The following GALNT13 variants were observed in gnomAD, a reference collection of about 807,000 sequenced individuals.
The protein encoded by GALNT13 is polypeptide N-acetylgalactosaminyltransferase 13, also known as UDP-GalNAc:polypeptide N-acetylgalactosaminyltransferase 13.
A neutral mutation model predicts 64.2 loss-of-function variants in GALNT13; 28 were observed. The observed-to-expected ratio is 0.44, with a 90% CI of 0.32 to 0.60. The LOEUF (loss-of-function observed/expected upper bound fraction) is 0.60. Ranked by LOEUF, GALNT13 falls within the 20% of genes least tolerant of loss-of-function variation. The pLI is 0.05. For synonymous variants in GALNT13, 214 were observed against 224.6 expected (o/e 0.95, Z 0.42); for missense variants, 577 against 669.8 (o/e 0.86, Z 1.53).
chr2:153,323,661 T>C, the GALNT13 span, among the ~76,000 whole-genome samples: 1 of 152,200 alleles, frequency 6.6e-6, no homozygotes, highest in South Asian at 2.1e-4. Flanking sequence ...GAGTTAATTA[T>C]TGTATAAGGT....
At chr2:154,203,443 TTCTC>T (rs1687277100) in intron 4 of GALNT13, among the ~76,000 whole-genome samples, 1 of 152,170 alleles carries the variant, frequency 6.6e-6, no homozygotes, top group South Asian at 2.1e-4. Context: ...ATGTCACATT[TTCTC>T]TCTCTCCATA....
chr2:153,337,659 A>C, the GALNT13 span: 2 of 152,254 alleles, frequency 1.3e-5, no homozygotes, highest in Admixed American at 6.5e-5. Context: ...CAATTGATGC[A>C]GTCTATAATT....
At chr2:153,233,889 T>C in the GALNT13 span, among the ~76,000 whole-genome samples, 5 of 152,160 alleles carry the variant, frequency 3.3e-5, no homozygotes, top group Non-Finnish European at 1.5e-5. Flanking sequence ...AACTGCCACA[T>C]TATATTAATT....
chr2:153,153,715 G>A, the GALNT13 span, among the ~76,000 whole-genome samples: 3 of 139,646 alleles, frequency 2.1e-5, no homozygotes, highest in Non-Finnish European at 4.6e-5. Flanking sequence ...CTGTAGGTAT[G>A]TGGTCTTATT....
the GALNT13 span, among the ~76,000 whole-genome samples, chr2:153,795,158 G>T: frequency 6.6e-6 from 1 of 152,020 alleles, no homozygotes; most frequent in Non-Finnish European, 1.5e-5. Context: ...TCAAATAATT[G>T]CACTAGAAAT....
chr2:154,123,157 T>C (rs1427969472), intron 3 of GALNT13, among the ~76,000 whole-genome samples: 2 of 152,016 alleles, frequency 1.3e-5, no homozygotes, highest in African/African-American at 4.8e-5. Flanking sequence ...CTAGCAGACT[T>C]GTCCATAAGA....
intron 2 of GALNT13, among the ~76,000 whole-genome samples, chr2:153,908,769 G>A (rs1406285831): frequency 7.1e-6 from 1 of 140,036 alleles, no homozygotes; most frequent in Non-Finnish European, 1.7e-5. Flanking sequence ...CTTTGTACCA[G>A]TACCATGCCA....
chr2:153,434,965 C>G, the GALNT13 span, among the ~76,000 whole-genome samples: 1 of 152,138 alleles, frequency 6.6e-6, no homozygotes, highest in East Asian at 1.9e-4. Context: ...GGTTTTAGGT[C>G]TAACCTGTAA....
chr2:153,478,577 G>C, the GALNT13 span: 1 of 1,541,934 alleles, frequency 6.5e-7, no homozygotes, highest in South Asian at 1.2e-5. Flanking sequence ...GCAGGAACGG[G>C]CGGGCGCCGC....
At chr2:153,371,631 A>G in the GALNT13 span, among the ~76,000 whole-genome samples, 7 of 152,330 alleles carry the variant, frequency 4.6e-5, no homozygotes, top group African/African-American at 9.6e-5. Flanking sequence ...CAGAAGACTG[A>G]TAAGAGAAAT....
the GALNT13 span, among the ~76,000 whole-genome samples, chr2:153,645,575 A>G: frequency 2.8e-4 from 43 of 152,130 alleles, 1 homozygote; most frequent in Non-Finnish European, 5.9e-5. Context: ...TTACATGTGT[A>G]TACAGAGCTG....
the GALNT13 span, among the ~76,000 whole-genome samples, chr2:153,673,590 C>CA: frequency 1.3e-5 from 2 of 150,710 alleles, no homozygotes; most frequent in African/African-American, 2.4e-5. Flanking sequence ...TGACAAACCA[C>CA]GCCAATATCA....
At chr2:153,877,906 T>C (rs1001474454) in intron 1 of GALNT13, among the ~76,000 whole-genome samples, 1 of 152,200 alleles carries the variant, frequency 6.6e-6, no homozygotes, top group Non-Finnish European at 1.5e-5. Flanking sequence ...TTTATCTTTA[T>C]AACAACAATA....
chr2:154,016,376 C>T (rs1280678119), intron 3 of GALNT13, among the ~76,000 whole-genome samples: 3 of 152,126 alleles, frequency 2.0e-5, no homozygotes, highest in Non-Finnish European at 2.9e-5. Context: ...TGAGTAGCCT[C>T]TAATCTCTAT....
the GALNT13 span, among the ~76,000 whole-genome samples, chr2:153,412,867 G>A: frequency 2.0e-5 from 3 of 152,132 alleles, no homozygotes; most frequent in Non-Finnish European, 4.4e-5. Context: ...TTTCTCAGGA[G>A]AGCAATACTT....
the GALNT13 span, among the ~76,000 whole-genome samples, chr2:153,289,346 C>G: frequency 6.6e-6 from 1 of 152,118 alleles, no homozygotes; most frequent in African/African-American, 2.4e-5. Context: ...TGAGAACCTG[C>G]TAGAAGATAG....
At chr2:153,546,874 A>C in the GALNT13 span, among the ~76,000 whole-genome samples, 1 of 152,210 alleles carries the variant, frequency 6.6e-6, no homozygotes, top group Non-Finnish European at 1.5e-5. Context: ...AATTCTGACA[A>C]TTCCTCTCTA....
At chr2:153,849,118 A>T in the GALNT13 span, among the ~76,000 whole-genome samples, 36 of 152,288 alleles carry the variant, frequency 2.4e-4, no homozygotes, top group East Asian at 1.9e-4. Context: ...TTATTTCAGA[A>T]ATGTAAGGAA....
intron 3 of GALNT13, among the ~76,000 whole-genome samples, chr2:154,134,732 C>T (rs2105559970): frequency 6.6e-6 from 1 of 152,296 alleles, no homozygotes; most frequent in Non-Finnish European, 1.5e-5. Flanking sequence ...TGGCTAACGC[C>T]TGTAATCCCG....
Sources: allele counts gnomAD v4.1 joint callset (sites outside exome capture counted in the v4.1 genomes callset), GRCh38; gene constraint gnomAD v4.1.1; transcripts MANE v1.5; gene names NCBI Gene and HGNC (gene_info 2026-07-23, HGNC 2026-07-21).